The following NCKAP5 variants were observed in gnomAD, a reference collection of about 807,000 sequenced individuals.
The protein encoded by NCKAP5 is nck-associated protein 5.
In NCKAP5, 92 loss-of-function variants were observed where a neutral mutation model predicts 167.0. The ratio of observed to expected loss-of-function variants is 0.55; its 90% CI spans 0.47 to 0.66. NCKAP5 has a LOEUF of 0.66. Ranked by LOEUF, NCKAP5 falls within the 30% of genes least tolerant of loss-of-function variation. The pLI is 0.00. For synonymous variants in NCKAP5, 891 were observed against 877.4 expected (o/e 1.02, Z -0.27); for missense variants, 2,378 against 2,315.0 (o/e 1.03, Z -0.56).
chr2:132,861,915 A>G (rs2148720222), intron 10 of NCKAP5, among the ~76,000 whole-genome samples: 1 of 152,358 alleles, frequency 6.6e-6, no homozygotes, highest in African/African-American at 2.4e-5. Flanking sequence ...TTATTCCATC[A>G]CCTAGCACAA....
chr2:133,531,461 G>T (rs6755693), intron 2 of NCKAP5, among the ~76,000 whole-genome samples: 72,754 of 151,758 alleles, frequency 0.48, 17,936 homozygotes, highest in East Asian at 0.68. Flanking sequence ...TTAAACTTCT[G>T]CTTAGGTAAC....
the NCKAP5 span, among the ~76,000 whole-genome samples, chr2:133,661,853 G>A: frequency 6.6e-6 from 1 of 151,960 alleles, no homozygotes; most frequent in African/African-American, 2.4e-5. Flanking sequence ...TTCAATCCTG[G>A]GCTACTTTAT....
At chr2:132,693,448 C>G (rs1686986847) in intron 19 of NCKAP5, among the ~76,000 whole-genome samples, 1 of 151,744 alleles carries the variant, frequency 6.6e-6, no homozygotes, top group African/African-American at 2.4e-5. Context: ...AAGACAGACA[C>G]AGAGAGAAAA....
rs749655174 is a variant in NCKAP5 at position 132,963,739 on chromosome 2, T to A, written c.560A>T (p.Glu187Val). Residue 187 changes from glutamate to valine, a missense_variant, in exon 8 of 20, where the codon GAG (glutamate) becomes GTG (valine). Transcript: ENST00000409261. ...TCTTACCTCTAGAGCTTTCAATCTC[T>A]CTAATAGCAATTTGGTCTTTTCTTT... The part of the protein sequence containing the change: ...EGKEKTKLLL[E>V]RLKALEAENS... The A allele has an allele frequency of 6.2e-7, 1 of 1,613,910 alleles. No homozygotes were observed. Among genetic ancestry groups the A allele is most frequent in the Non-Finnish European group, 8.5e-7 (1 of 1,179,878 alleles).
chr2:133,056,509 G>C (rs1341372753), intron 6 of NCKAP5, among the ~76,000 whole-genome samples: 1 of 152,042 alleles, frequency 6.6e-6, no homozygotes, highest in African/African-American at 2.4e-5. Flanking sequence ...AAATCTTAAA[G>C]TGTCTGTCTT....
chr2:132,690,226 A>C (rs1476693679), intron 19 of NCKAP5, among the ~76,000 whole-genome samples: 6 of 152,090 alleles, frequency 3.9e-5, no homozygotes, highest in African/African-American at 1.4e-4. Context: ...TCCCAAGGCT[A>C]TGCGTGAGAG....
At chr2:133,029,971 C>T (rs1039441463) in intron 6 of NCKAP5, among the ~76,000 whole-genome samples, 4 of 152,176 alleles carry the variant, frequency 2.6e-5, no homozygotes, top group African/African-American at 9.7e-5. Context: ...GTAAGATTGG[C>T]TGCCCAAATC....
At chr2:133,531,805 T>C (rs1350844444) in intron 2 of NCKAP5, among the ~76,000 whole-genome samples, 2 of 152,210 alleles carry the variant, frequency 1.3e-5, no homozygotes, top group African/African-American at 4.8e-5. Flanking sequence ...TACTGAAAAG[T>C]ACATAAAGCA....
chr2:132,852,521 G>C (rs902831135), intron 11 of NCKAP5, among the ~76,000 whole-genome samples: 4 of 152,214 alleles, frequency 2.6e-5, no homozygotes, highest in Non-Finnish European at 5.9e-5. Flanking sequence ...ATTTCAGCCA[G>C]CATGACACTC....
At chr2:133,498,472 AAGGAAGGAAGGCAGGCAGGC>A (rs1229785695) in intron 3 of NCKAP5, among the ~76,000 whole-genome samples, 2 of 122,634 alleles carry the variant, frequency 1.6e-5, no homozygotes, top group African/African-American at 7.6e-5. Flanking sequence ...GGAAGGAAGG[AAGGAAGGAAGGCAGGCAGGC>A]AGGCAGGCAG....
At chr2:133,360,285 GAAGTT>G (rs1685014094) in intron 3 of NCKAP5, among the ~76,000 whole-genome samples, 1 of 152,202 alleles carries the variant, frequency 6.6e-6, no homozygotes, top group Admixed American at 6.5e-5. Flanking sequence ...GATAAATTTA[GAAGTT>G]AAGAAGTGAA....
intron 3 of NCKAP5, among the ~76,000 whole-genome samples, chr2:133,309,204 TTTTC>T (rs1681055993): frequency 6.6e-6 from 1 of 152,120 alleles, no homozygotes; most frequent in Non-Finnish European, 1.5e-5. Flanking sequence ...TCTGTAAATT[TTTTC>T]TTTGTCTATA....
intron 2 of NCKAP5, among the ~76,000 whole-genome samples, chr2:133,528,029 C>A (rs745309736): frequency 6.6e-6 from 1 of 152,108 alleles, no homozygotes; most frequent in Non-Finnish European, 1.5e-5. Flanking sequence ...AATGCCAGTG[C>A]ACTCCAGCCT....
intron 5 of NCKAP5, among the ~76,000 whole-genome samples, chr2:133,149,848 G>T (rs2083323816): frequency 6.6e-6 from 1 of 152,070 alleles, no homozygotes; most frequent in African/African-American, 2.4e-5. Flanking sequence ...TTGTGTCTCT[G>T]TTGTTCAAAG....
intron 11 of NCKAP5, among the ~76,000 whole-genome samples, chr2:132,847,625 G>A (rs1688760195): frequency 2.6e-5 from 4 of 152,114 alleles, no homozygotes; most frequent in Admixed American, 1.3e-4. Flanking sequence ...TGAATCTACT[G>A]CCAAAAAGCT....
chr2:133,286,019 G>A (rs1474683326), intron 4 of NCKAP5, among the ~76,000 whole-genome samples: 9 of 143,864 alleles, frequency 6.3e-5, no homozygotes, highest in African/African-American at 2.1e-4. Context: ...TTTTTGAGGT[G>A]GAGTCTTGCT....
At chr2:133,506,849 A>T (rs758151878) in intron 3 of NCKAP5, among the ~76,000 whole-genome samples, 3 of 152,166 alleles carry the variant, frequency 2.0e-5, no homozygotes, top group African/African-American at 7.2e-5. Context: ...ATAAAACAAT[A>T]TTACTGATTT....
intron 8 of NCKAP5, among the ~76,000 whole-genome samples, chr2:132,938,595 GTC>G (rs1168194580): frequency 6.6e-6 from 1 of 152,182 alleles, no homozygotes; most frequent in South Asian, 2.1e-4. Context: ...GCTCCACCAT[GTC>G]TCTGTGTGTA....
At chr2:133,058,155 G>T (rs1001109127) in intron 6 of NCKAP5, among the ~76,000 whole-genome samples, 1 of 152,110 alleles carries the variant, frequency 6.6e-6, no homozygotes, top group Non-Finnish European at 1.5e-5. Flanking sequence ...AAATATCACT[G>T]CTCACTGACA....
Sources: allele counts gnomAD v4.1 joint callset (sites outside exome capture counted in the v4.1 genomes callset), GRCh38; gene constraint gnomAD v4.1.1; transcripts MANE v1.5; gene names NCBI Gene and HGNC (gene_info 2026-07-23, HGNC 2026-07-21).